Variants in REDIC1 observed in about 807,000 individuals in gnomAD.
REDIC1 encodes the protein regulator of DNA class I crossover intermediates 1.
At chr12:39,673,145 T>A in the REDIC1 span, among the ~76,000 whole-genome samples, 2 of 152,096 alleles carry the variant, frequency 1.3e-5, no homozygotes, top group Admixed American at 6.5e-5. Context: ...AGCCTCCCTC[T>A]CCTTCTGTGC....
At chr12:39,700,377 G>A in the REDIC1 span, among the ~76,000 whole-genome samples, 25 of 152,086 alleles carry the variant, frequency 1.6e-4, no homozygotes, top group Non-Finnish European at 3.2e-4. Flanking sequence ...GAGAAGGGAA[G>A]TTTAGAGAAA....
the REDIC1 span, chr12:39,830,375 T>C: frequency 7.1e-7 from 1 of 1,415,228 alleles, no homozygotes; most frequent in Non-Finnish European, 9.2e-7. Flanking sequence ...GAAAGTGACA[T>C]GCGCTGAGCC....
At chr12:39,736,122 T>C in the REDIC1 span, among the ~76,000 whole-genome samples, 1 of 152,210 alleles carries the variant, frequency 6.6e-6, no homozygotes, top group African/African-American at 2.4e-5. Flanking sequence ...AACTATGAGC[T>C]CAGAGCATAG....
the REDIC1 span, among the ~76,000 whole-genome samples, chr12:39,882,452 C>G: frequency 6.6e-6 from 1 of 152,194 alleles, no homozygotes; most frequent in Admixed American, 6.6e-5. Context: ...CTACCTATAT[C>G]CAGTTATTCT....
At chr12:39,653,538 T>TCTTCTTCTTCTTC in the REDIC1 span, among the ~76,000 whole-genome samples, 2 of 66,614 alleles carry the variant, frequency 3.0e-5, no homozygotes, top group African/African-American at 9.6e-5. Flanking sequence ...TTCTTCTTCT[T>TCTTCTTCTTCTTC]TTTCTTCTTC....
the REDIC1 span, among the ~76,000 whole-genome samples, chr12:39,716,550 A>G: frequency 6.6e-6 from 1 of 152,020 alleles, no homozygotes; most frequent in African/African-American, 2.4e-5. Flanking sequence ...CTAGCTACAA[A>G]TCTTTTAAGG....
At chr12:39,664,666 G>A in the REDIC1 span, among the ~76,000 whole-genome samples, 2 of 152,270 alleles carry the variant, frequency 1.3e-5, no homozygotes, top group African/African-American at 2.4e-5. Context: ...CTTCCACAAT[G>A]GTTGAACTAG....
chr12:39,804,802 A>G, the REDIC1 span, among the ~76,000 whole-genome samples: 1 of 152,170 alleles, frequency 6.6e-6, no homozygotes, highest in Admixed American at 6.5e-5. Context: ...TTATATTTAC[A>G]TGTTAAATAT....
the REDIC1 span, among the ~76,000 whole-genome samples, chr12:39,852,426 A>C: frequency 2.0e-5 from 3 of 152,230 alleles, no homozygotes; most frequent in Non-Finnish European, 4.4e-5. Flanking sequence ...AAATCTGTCA[A>C]GAAATTACTG....
At chr12:39,711,546 T>G in the REDIC1 span, among the ~76,000 whole-genome samples, 1 of 81,774 alleles carries the variant, frequency 1.2e-5, no homozygotes, top group African/African-American at 4.1e-5. Flanking sequence ...CATATATGTA[T>G]GTGCATACAC....
the REDIC1 span, among the ~76,000 whole-genome samples, chr12:39,729,987 C>CT: frequency 3.6e-4 from 55 of 152,148 alleles, no homozygotes; most frequent in Non-Finnish European, 6.9e-4. Flanking sequence ...GCAGCCCCTG[C>CT]TTTTTTTGCT....
the REDIC1 span, among the ~76,000 whole-genome samples, chr12:39,727,225 C>T: frequency 6.6e-6 from 1 of 152,172 alleles, no homozygotes; most frequent in Non-Finnish European, 1.5e-5. Context: ...GGTCTTTGCC[C>T]ATGCCTATGT....
the REDIC1 span, among the ~76,000 whole-genome samples, chr12:39,637,794 T>C: frequency 6.6e-6 from 1 of 152,086 alleles, no homozygotes; most frequent in Non-Finnish European, 1.5e-5. Flanking sequence ...AAAGTTCTGG[T>C]TAGTTTCCCC....
the REDIC1 span, among the ~76,000 whole-genome samples, chr12:39,884,094 C>T: frequency 1.3e-5 from 2 of 152,236 alleles, no homozygotes; most frequent in East Asian, 1.9e-4. Flanking sequence ...TGTATTCAGG[C>T]ACCATAAGCC....
At chr12:39,843,935 T>C in the REDIC1 span, among the ~76,000 whole-genome samples, 1 of 152,044 alleles carries the variant, frequency 6.6e-6, no homozygotes, top group Non-Finnish European at 1.5e-5. Context: ...GTATGCTTTT[T>C]TCCCCCCAAA....
chr12:39,712,956 T>C, the REDIC1 span, among the ~76,000 whole-genome samples: 4 of 144,486 alleles, frequency 2.8e-5, no homozygotes, highest in African/African-American at 1.0e-4. Flanking sequence ...TATACATATA[T>C]GCATATACGT....
the REDIC1 span, among the ~76,000 whole-genome samples, chr12:39,700,088 A>G: frequency 3.9e-5 from 6 of 152,362 alleles, no homozygotes; most frequent in African/African-American, 1.4e-4. Context: ...AGCTGGACGG[A>G]GAATGACTTT....
the REDIC1 span, among the ~76,000 whole-genome samples, chr12:39,676,383 C>A: frequency 4.0e-4 from 61 of 152,034 alleles, no homozygotes; most frequent in South Asian, 1.2e-3. Context: ...TTGAATTAAC[C>A]CAATCCAGCA....
At chr12:39,699,368 C>T in the REDIC1 span, among the ~76,000 whole-genome samples, 1 of 152,188 alleles carries the variant, frequency 6.6e-6, no homozygotes, top group Non-Finnish European at 1.5e-5. Context: ...GGGTCACTCC[C>T]ATCCGAATAC....
Sources: allele counts gnomAD v4.1 joint callset (sites outside exome capture counted in the v4.1 genomes callset), GRCh38; gene constraint gnomAD v4.1.1; transcripts MANE v1.5; gene names NCBI Gene and HGNC (gene_info 2026-07-23, HGNC 2026-07-21).